Variants in TFDP2 observed in about 807,000 individuals in gnomAD.
The protein encoded by TFDP2 is transcription factor Dp-2.
A neutral mutation model predicts 59.3 loss-of-function variants in TFDP2; 17 were observed. That is an observed-to-expected ratio of 0.29 (90% confidence interval 0.20 to 0.43). The LOEUF (loss-of-function observed/expected upper bound fraction) is 0.43. Ranked by LOEUF, TFDP2 falls within the 20% of genes least tolerant of loss-of-function variation. The probability of loss-of-function intolerance (pLI) is 1.00; values close to 1 mark genes in which losing one functional copy is unlikely to be tolerated. For missense variants in TFDP2, 391 were observed against 528.8 expected, an observed-to-expected ratio of 0.74 and a Z score of 2.56; for synonymous variants, 180 against 194.7, an observed-to-expected ratio of 0.92 and a Z score of 0.63.
At chr3:142,056,002 G>A (rs1197856782) in intron 3 of TFDP2, among the ~76,000 whole-genome samples, 1 of 134,728 alleles carries the variant, frequency 7.4e-6, no homozygotes, top group African/African-American at 2.8e-5. Flanking sequence ...CGCCCAGGCT[G>A]GAGTGCAGTG....
At chr3:141,987,057 T>A (rs1942175149) in intron 6 of TFDP2, among the ~76,000 whole-genome samples, 1 of 152,216 alleles carries the variant, frequency 6.6e-6, no homozygotes, top group African/African-American at 2.4e-5. Flanking sequence ...TGGTATACAA[T>A]CACATCATCT....
At chr3:142,132,712 T>G (rs565715258) in intron 1 of TFDP2, among the ~76,000 whole-genome samples, 2 of 146,742 alleles carry the variant, frequency 1.4e-5, no homozygotes, top group South Asian at 4.2e-4. Flanking sequence ...ACCACTGCAC[T>G]TCAGCCTGGG....
intron 3 of TFDP2, among the ~76,000 whole-genome samples, chr3:142,029,782 A>G (rs1946333526): frequency 6.6e-6 from 1 of 152,228 alleles, no homozygotes; most frequent in South Asian, 2.1e-4. Flanking sequence ...TCAACAACAT[A>G]TATTTGCTGA....
Position 141,984,833 on chromosome 3 carries a change from C to T in TFDP2, c.357-6151G>A, listed in dbSNP as rs144394029. ...GTTTATGTATTATGTATTTCATCAT[C>T]AATTATGGCTACAAAACCAAATTCA... On this transcript the variant is annotated intron_variant, in intron 6 of 12. Transcript: ENST00000489671. Among the ~76,000 whole-genome samples, 16 of 152,262 alleles carry T rather than the reference C, an allele frequency of 1.1e-4. No homozygotes were observed. The East Asian group carries it at 3.1e-3, about 29-fold the overall frequency.
At chr3:141,973,883 C>T (rs1426920291) in intron 8 of TFDP2, among the ~76,000 whole-genome samples, 165 bp downstream of exon 8, 2 of 151,964 alleles carry the variant, frequency 1.3e-5, no homozygotes, top group South Asian at 4.1e-4. Context: ...GCAGACTATA[C>T]CTATAAGGCG....
chr3:141,952,865 T>C, intron 12 of TFDP2, 46 bp downstream of exon 12: 1 of 1,585,906 alleles, frequency 6.3e-7, no homozygotes, highest in Non-Finnish European at 8.7e-7. Flanking sequence ...ACACAGACAG[T>C]CAGGGCTCTG....
intron 6 of TFDP2, among the ~76,000 whole-genome samples, chr3:141,993,269 T>C (rs199611571): frequency 6.6e-6 from 1 of 152,110 alleles, no homozygotes; most frequent in African/African-American, 2.4e-5. Context: ...TTCACTTTGA[T>C]AGAACTCTTC....
chr3:141,974,895 T>TTTCTTCTTCTTC (rs763156785), intron 7 of TFDP2, among the ~76,000 whole-genome samples: 6,439 of 142,028 alleles, frequency 0.045, 301 homozygotes, highest in Non-Finnish European at 0.073. Context: ...GCTGACCATT[T>TTTCTTCTTCTTC]TTCTTCTTCT....
At chr3:141,973,303 G>A (rs1429217827) in intron 8 of TFDP2, among the ~76,000 whole-genome samples, 3 of 151,332 alleles carry the variant, frequency 2.0e-5, no homozygotes, top group South Asian at 2.1e-4. Context: ...TAGTAGAGAC[G>A]GGGTTTTACC....
At chr3:142,122,160 G>A (rs1342085703) in intron 1 of TFDP2, among the ~76,000 whole-genome samples, 1 of 152,130 alleles carries the variant, frequency 6.6e-6, no homozygotes, top group Admixed American at 6.6e-5. Flanking sequence ...ACAGACCAGA[G>A]TATCTTAAAC....
intron 1 of TFDP2, among the ~76,000 whole-genome samples, chr3:142,113,530 G>A (rs1217258559): frequency 1.3e-5 from 2 of 151,962 alleles, no homozygotes; most frequent in African/African-American, 4.8e-5. Context: ...CAAAGTGGTG[G>A]GATTACAGGA....
chr3:142,086,311 G>A (rs55680729), intron 3 of TFDP2, among the ~76,000 whole-genome samples: 12,965 of 152,190 alleles, frequency 0.085, 694 homozygotes, highest in Middle Eastern at 0.14. Flanking sequence ...CCAGGAGATC[G>A]CATCAGATCC....
intron 4 of TFDP2, among the ~76,000 whole-genome samples, chr3:141,996,588 GT>G (rs1271845538): frequency 6.6e-6 from 1 of 152,192 alleles, no homozygotes; most frequent in Non-Finnish European, 1.5e-5. Context: ...GAATCATTAA[GT>G]TCATTGCTAA....
At chr3:142,013,374 G>A (rs1292437142) in intron 3 of TFDP2, among the ~76,000 whole-genome samples, 2 of 152,174 alleles carry the variant, frequency 1.3e-5, no homozygotes, top group African/African-American at 2.4e-5. Flanking sequence ...AATCAGCTAT[G>A]TTTTTGACTC....
intron 1 of TFDP2, among the ~76,000 whole-genome samples, chr3:142,106,803 G>T (rs1204269532): frequency 6.6e-6 from 1 of 152,162 alleles, no homozygotes; most frequent in Non-Finnish European, 1.5e-5. Context: ...AACTCCCACA[G>T]ATGGTCTCAA....
intron 3 of TFDP2, among the ~76,000 whole-genome samples, chr3:142,046,020 G>T (rs1162659607): frequency 6.6e-6 from 1 of 152,074 alleles, no homozygotes; most frequent in Non-Finnish European, 1.5e-5. Context: ...TCCCTTTGAG[G>T]ATCAAATTAA....
intron 1 of TFDP2, among the ~76,000 whole-genome samples, chr3:142,114,126 C>G (rs891019049): frequency 6.6e-6 from 1 of 151,408 alleles, no homozygotes; most frequent in Non-Finnish European, 1.5e-5. Context: ...AATCGCGCCA[C>G]TGCACTCCAG....
chr3:141,986,058 C>CTAA (rs1306748404), intron 6 of TFDP2, among the ~76,000 whole-genome samples: 1 of 152,130 alleles, frequency 6.6e-6, no homozygotes, highest in African/African-American at 2.4e-5. Flanking sequence ...CTCAAAAGGG[C>CTAA]TAAACAAAGA....
chr3:142,085,874 T>C (rs1457139464), intron 3 of TFDP2, among the ~76,000 whole-genome samples: 1 of 152,120 alleles, frequency 6.6e-6, no homozygotes, highest in East Asian at 1.9e-4. Context: ...GGATGGGAAA[T>C]CTCTACCCAT....
Sources: allele counts gnomAD v4.1 joint callset (sites outside exome capture counted in the v4.1 genomes callset), GRCh38; gene constraint gnomAD v4.1.1; transcripts MANE v1.5; gene names NCBI Gene and HGNC (gene_info 2026-07-23, HGNC 2026-07-21).